Variants in CLCN6 observed in about 807,000 individuals in gnomAD.
The protein encoded by CLCN6 is H(+)/Cl(-) exchange transporter 6.
In CLCN6, 70 loss-of-function variants were observed where a neutral mutation model predicts 109.8. That is an observed-to-expected ratio of 0.64 (90% CI 0.53 to 0.78). CLCN6 has a LOEUF of 0.78. Among genes scored for constraint, CLCN6 ranks in the 30% least tolerant of loss-of-function variants. CLCN6 has a pLI of 0.00. For synonymous variants in CLCN6, 444 were observed against 447.8 expected (o/e 0.99, Z 0.11); for missense variants, 984 against 1,142.3 (o/e 0.86, Z 2.00).
chr1:11,838,381 A>G lies in CLCN6; in HGVS notation c.2342A>G (p.Tyr781Cys), dbSNP rs749909084. The G allele has an allele frequency of 1.2e-6, 2 of 1,613,956 alleles. No individual in the cohort carries two copies. Among genetic ancestry groups the G allele is most frequent in the Non-Finnish European group, 1.7e-6 (2 of 1,180,014 alleles). The change falls in exon 21 of 23, where the codon TAC (tyrosine) becomes TGC (cysteine). Residue 781 changes from tyrosine to cysteine, a missense_variant. Physicochemically the swap from Tyr to Cys is radical, Grantham distance 194. Transcript: ENST00000346436. ...TCCTATGCCGAGATGGCCGAGGACT[A>G]CCCGCGGTACCCCGACATCCACGAC... ...RLSYAEMAED[Y>C]PRYPDIHDLD... is the part of the protein sequence containing the mutation.
rs955140236 is a variant in CLCN6, at chr1:11,838,020, G to A, written c.2296-315G>A. The stretch of plus-strand genomic sequence containing the variant: ...GACTTGGCCATATCTTTTGGTGGGG[G>A]GACACATTCACCCCCCAGCCACTTT... On this transcript the variant is annotated intron_variant, in intron 20 of 22. Transcript: ENST00000346436. Among the ~76,000 whole-genome samples the A allele has an allele frequency of 2.6e-5, 4 of 152,078 alleles. No homozygotes were observed. The East Asian group carries it at 7.7e-4, about 29-fold the overall frequency.
intron 12 of CLCN6, 132 bp downstream of exon 12, chr1:11,828,756 C>A: frequency 1.0e-6 from 1 of 976,298 alleles, no homozygotes; most frequent in Non-Finnish European, 1.5e-6. Flanking sequence ...AGAATCTAAA[C>A]ACGGCCATGC....
At chr1:11,821,901 G>A (rs142663746) in intron 5 of CLCN6, among the ~76,000 whole-genome samples, 66 of 152,200 alleles carry the variant, frequency 4.3e-4, no homozygotes, top group African/African-American at 1.5e-3. Context: ...AAGTGAAAGT[G>A]AACGAACCAC....
chr1:11,815,655 A>G (rs1019556159), intron 2 of CLCN6, among the ~76,000 whole-genome samples, 191 bp from the exon 3 acceptor site: 1 of 152,182 alleles, frequency 6.6e-6, no homozygotes, highest in Non-Finnish European at 1.5e-5. Flanking sequence ...TTGACCTCCC[A>G]AAGTGCTGGG....
At chr1:11,819,379 C>T (rs1644712569) in intron 4 of CLCN6, 109 bp from the exon 5 acceptor site, 1 of 967,036 alleles carries the variant, frequency 1.0e-6, no homozygotes. Context: ...GGTGAGCAGC[C>T]TCCGTATGTG....
At position 11,838,344 on chromosome 1, in the gene CLCN6, C is replaced by G; in HGVS notation, c.2305C>G (p.Gln769Glu). 2 of 1,613,712 alleles carry G rather than the reference C, an allele frequency of 1.2e-6. No homozygotes were observed. Among genetic ancestry groups the G allele is most frequent in the Non-Finnish European group, 1.7e-6 (2 of 1,180,004 alleles). ...CYSESQSSAS[Q>E]PRLSYAEMAE... is the part of the protein sequence containing the mutation. Reference sequence around the variant, plus strand: ...TGGGTTGGAATTGCAGAGCGCCAGCCAGCCGCGCCTCTCCTATGCCGAGAT... The same window carrying G: ...TGGGTTGGAATTGCAGAGCGCCAGCGAGCCGCGCCTCTCCTATGCCGAGAT... The change falls in exon 21 of 23, where the codon CAG (glutamine) becomes GAG (glutamate). Residue 769 changes from glutamine (Q) to glutamate (E), a missense_variant. By Grantham distance (29) the Gln-to-Glu change is conservative. Coordinates refer to ENST00000346436, the MANE Select transcript of CLCN6 (RefSeq NM_001286.5).
At chr1:11,828,083 G>T (rs1249855894) in intron 10 of CLCN6, 23 bp from the exon 11 acceptor site, 1 of 1,574,320 alleles carries the variant, frequency 6.4e-7, no homozygotes, top group Non-Finnish European at 8.7e-7. Context: ...GAACCTTCTT[G>T]TCTTTTGTCA....
In CLCN6 at chr1:11,834,195, G is replaced by A. The variant is rs74053325; in HGVS notation, c.1527-41G>A. On this transcript the variant is annotated intron_variant, in intron 15 of 22. Transcript: ENST00000346436. The surrounding 1 kb of genome is among the most constrained non-coding windows in gnomAD (Gnocchi z 4.5). ...TGTAGGTCCTCCCCACAGCCTATCA[G>A]TGTGGTTCAAAGCCATGTTCTCGGT... is the stretch of plus-strand genomic sequence containing the variant. 8,134 of 1,602,008 alleles carry A rather than the reference G, an allele frequency of 5.1e-3. 294 individuals are homozygous for A. The African/African-American group carries it at 0.089, about 18-fold the overall frequency.
chr1:11,819,488 G>A lies in CLCN6; in HGVS notation c.280G>A (p.Val94Met). 6.2e-7 allele frequency: 1 copy of A among 1,614,030 alleles called. No individual in the cohort carries two copies. Among genetic ancestry groups the A allele is most frequent in the Non-Finnish European group, 8.5e-7 (1 of 1,179,882 alleles). ...GTGACAGATCTCTTGCTCTTCACAG[G>A]TGGGTCTCTTTGTGGACTTTTTTGT... ...VFAIGVCTGL[V>M]GLFVDFFVRL... Residue 94 changes from valine (V) to methionine (M), a missense_variant and splice_region_variant, in exon 5 of 23, where the codon GTG (valine) becomes ATG (methionine). By Grantham distance (21) the Val-to-Met change is conservative. Coordinates refer to ENST00000346436, the MANE Select transcript of CLCN6 (RefSeq NM_001286.5).
rs1306228424 is a variant in CLCN6 at position 11,834,858 on chromosome 1, A to C, written c.1793+268A>C. ...TCCCATGGCATTCTGGTTAGATATG[A>C]GGTGAGGTCTCTGGATCAAGTTCGT... On this transcript the variant is annotated intron_variant, in intron 17 of 22. Coordinates refer to ENST00000346436, the MANE Select transcript of CLCN6 (RefSeq NM_001286.5). This position sits in a 1 kb window ranked among gnomAD's most constrained non-coding sequence, Gnocchi z 4.5. Among the ~76,000 whole-genome samples the C allele has an allele frequency of 6.6e-6, 1 of 152,124 alleles. No individual in the cohort carries two copies. Among genetic ancestry groups the C allele is most frequent in the Non-Finnish European group, 1.5e-5 (1 of 68,014 alleles).
At chr1:11,828,320 TC>T (rs1644838187) in intron 11 of CLCN6, 101 bp downstream of exon 11, 1 of 1,431,926 alleles carries the variant, frequency 7.0e-7, no homozygotes, top group South Asian at 1.2e-5. Flanking sequence ...AGGTACAACT[TC>T]CAGGGACACA....
intron 2 of CLCN6, among the ~76,000 whole-genome samples, chr1:11,807,648 G>T (rs1644536651): frequency 6.6e-6 from 1 of 152,198 alleles, no homozygotes; most frequent in Admixed American, 6.5e-5. Context: ...TCATGTATGG[G>T]ATTCTTAGAG....
intron 4 of CLCN6, among the ~76,000 whole-genome samples, chr1:11,817,097 T>G (rs1644683106): frequency 6.6e-6 from 1 of 152,142 alleles, no homozygotes; most frequent in African/African-American, 2.4e-5. Flanking sequence ...TTTTTTTTTC[T>G]TTTAATTTAA....
intron 12 of CLCN6, 81 bp from the exon 13 acceptor site, chr1:11,829,115 G>A (rs960231470): frequency 2.6e-6 from 4 of 1,540,466 alleles, no homozygotes; most frequent in Admixed American, 3.6e-5. Context: ...TCGGGGCTGG[G>A]GGTAGGCAGG....
intron 2 of CLCN6, among the ~76,000 whole-genome samples, chr1:11,814,884 T>C (rs1644649275): frequency 6.6e-6 from 1 of 151,972 alleles, no homozygotes; most frequent in African/African-American, 2.4e-5. Context: ...TACAAAAAAA[T>C]TAGCCGGGCG....
chr1:11,841,316 C>T lies in CLCN6; in HGVS notation c.*1093C>T, dbSNP rs1196531742. On this transcript the variant is annotated 3_prime_UTR_variant, in exon 23 of 23. Transcript: ENST00000346436. ...CTGTCCCAAGCTTACATACAGAGGCCCTTCAGGAGGGCCTCCTGTGCCGCA... is the reference window on the plus strand; with the variant it reads ...CTGTCCCAAGCTTACATACAGAGGCTCTTCAGGAGGGCCTCCTGTGCCGCA... The T allele has an allele frequency of 6.6e-6, 1 of 152,656 alleles. No homozygotes were observed. The highest frequency in any genetic ancestry group is 1.5e-5 in the Non-Finnish European group (1 of 68,048). 9.5% of individuals were successfully genotyped at this position (152,656 alleles called of 1,614,324 possible). A position where few individuals can be genotyped will look rare whatever the true frequency, so the allele number is the denominator to read the frequency against.
At position 11,836,013 on chromosome 1, in the gene CLCN6, C is replaced by G. The variant is rs1399027417; in HGVS notation, c.1840C>G (p.Pro614Ala). Residue 614 changes from proline (P) to alanine (A), a missense_variant, in exon 18 of 23, where the codon CCG becomes GCG. By Grantham distance (27) the Pro-to-Ala change is conservative. Coordinates refer to ENST00000346436, the MANE Select transcript of CLCN6 (RefSeq NM_001286.5). Reference sequence around the variant, plus strand: ...GGAGCCCAACCTGACCTACGTCTACCCGCACACCCGCATCCAGTCTCTGGT... The same window carrying G: ...GGAGCCCAACCTGACCTACGTCTACGCGCACACCCGCATCCAGTCTCTGGT... ...IMEPNLTYVYPHTRIQSLVSI... is the reference protein window; with the variant it reads ...IMEPNLTYVYAHTRIQSLVSI... 6.2e-7 allele frequency: 1 copy of G among 1,613,868 alleles called. No homozygotes were observed. Among genetic ancestry groups the G allele is most frequent in the East Asian group, 2.2e-5 (1 of 44,874 alleles).
rs943526103 is a variant in CLCN6, at chr1:11,833,817, G to C, written c.1373-60G>C. 7.6e-6 allele frequency: 12 copies of C among 1,574,420 alleles called. No homozygotes were observed. In the Admixed American group the frequency reaches 1.3e-4, roughly 17 times the overall value. On this transcript the variant is annotated intron_variant, in intron 14 of 22. Transcript: ENST00000346436. Reference sequence around the variant, plus strand: ...GTATGGGGTGTGGTCGGGCCCGGTAGGTCTACTGGGCCTTGGCAGGCATCC... The same window carrying C: ...GTATGGGGTGTGGTCGGGCCCGGTACGTCTACTGGGCCTTGGCAGGCATCC...
intron 1 of CLCN6, 28 bp from the exon 2 acceptor site, chr1:11,807,103 G>A: frequency 6.2e-7 from 1 of 1,608,996 alleles, no homozygotes; most frequent in Non-Finnish European, 8.5e-7. Flanking sequence ...CACTAAAAAA[G>A]GCTCCCTCTG....
Sources: allele counts gnomAD v4.1 joint callset (sites outside exome capture counted in the v4.1 genomes callset), GRCh38; gene constraint gnomAD v4.1.1; non-coding constraint Gnocchi (gnomAD v3.1); transcripts MANE v1.5; gene names NCBI Gene and HGNC (gene_info 2026-07-23, HGNC 2026-07-21).